Variants in NECAB2 observed in about 807,000 individuals in gnomAD.
NECAB2 encodes N-terminal EF-hand calcium-binding protein 2.
In NECAB2, 68 loss-of-function variants were observed where a neutral mutation model predicts 51.9. That is an observed-to-expected ratio of 1.31 (90% CI 1.08 to 1.60). The LOEUF is 1.60. Ranked by LOEUF, NECAB2 falls within the 40% of genes most tolerant of loss-of-function variation. NECAB2 has a pLI of 0.00. For synonymous variants in NECAB2, 329 were observed against 203.5 expected (o/e 1.62, Z -5.25); for missense variants, 854 against 490.3 (o/e 1.74, Z -7.00).
chr16:83,999,226 C>T (rs530752977), intron 10 of NECAB2, among the ~76,000 whole-genome samples: 2 of 152,160 alleles, frequency 1.3e-5, no homozygotes, highest in South Asian at 2.1e-4. Context: ...TCCCGAGACT[C>T]GGCGTGGCCA....
Position 83,998,312 on chromosome 16 carries a change from C to G in NECAB2, c.957C>G (p.Cys319Trp). 2 of 1,613,410 alleles carry G rather than the reference C, an allele frequency of 1.2e-6. No individual in the cohort carries two copies. The change falls in exon 10 of 13, where the codon TGC becomes TGG. Residue 319 changes from cysteine to tryptophan, a missense_variant. Cys to Trp is a radical substitution (Grantham distance 215). Coordinates refer to ENST00000305202, the MANE Select transcript of NECAB2 (RefSeq NM_019065.3). ...YLRGTTGVRN[C>W]FHITAVRLSD... The stretch of plus-strand genomic sequence containing the variant: ...GGGGGACCACTGGCGTGAGGAACTG[C>G]TTCCAGTGAGTGAGCTGCCGAGGCG...
chr16:83,968,814 G>A lies in NECAB2; in HGVS notation c.166G>A (p.Ala56Thr). ...APAAPADPGP[A>T]SPRGGTAVIL... is the part of the protein sequence containing the mutation. ...CGCCGCCCCCGCGGACCCCGGCCCA[G>A]CCTCGCCGCGCGGGGGCACCGCCGT... The change falls in exon 1 of 13, where the codon GCC becomes ACC. Residue 56 changes from alanine to threonine, a missense_variant. Physicochemically the swap from Ala to Thr is moderately conservative, Grantham distance 58. Coordinates refer to ENST00000305202, the MANE Select transcript of NECAB2 (RefSeq NM_019065.3). The A allele has an allele frequency of 8.9e-7, 1 of 1,124,924 alleles. No individual in the cohort carries two copies. Among genetic ancestry groups the A allele is most frequent in the Non-Finnish European group, 1.1e-6 (1 of 920,832 alleles). 69.7% of individuals were successfully genotyped at this position (1,124,924 alleles called of 1,614,324 possible).
chr16:84,002,392 T>G lies in NECAB2; in HGVS notation c.*46T>G. ...GAGGAGCCCACCAGCCCCTTCTTCT[T>G]GTGAAGGAAATCCCGTTTTTTTCTA... On this transcript the variant is annotated 3_prime_UTR_variant, in exon 13 of 13. Coordinates refer to ENST00000305202, the MANE Select transcript of NECAB2 (RefSeq NM_019065.3). 1 of 1,589,074 alleles carries G rather than the reference T, an allele frequency of 6.3e-7. No individual in the cohort carries two copies. Among genetic ancestry groups the G allele is most frequent in the Non-Finnish European group, 8.6e-7 (1 of 1,169,434 alleles).
upstream of NECAB2, chr16:83,966,337 A>T (rs947322821): frequency 1.9e-5 from 7 of 372,020 alleles, no homozygotes; most frequent in African/African-American, 4.1e-5. Flanking sequence ...ACCTGCTCTC[A>T]TGCGTCTGAG....
At chr16:83,999,398 G>T (rs147931748) in intron 10 of NECAB2, among the ~76,000 whole-genome samples, 1 of 152,312 alleles carries the variant, frequency 6.6e-6, no homozygotes, top group Non-Finnish European at 1.5e-5. Context: ...ATGCGCTGTG[G>T]AGAGGAGGCA....
At chr16:83,990,186 G>A (rs1334952819) in intron 5 of NECAB2, among the ~76,000 whole-genome samples, 1 of 152,148 alleles carries the variant, frequency 6.6e-6, no homozygotes, top group Non-Finnish European at 1.5e-5. Flanking sequence ...CATTGTACAC[G>A]CATGTTGCTG....
intron 1 of NECAB2, chr16:83,971,817 T>C (rs2084349863): frequency 2.1e-6 from 1 of 485,364 alleles, no homozygotes; most frequent in Non-Finnish European, 3.7e-6. Flanking sequence ...GCTGAGCGTT[T>C]GGCGGTGGGT....
chr16:83,989,838 C>G (rs1597214082), intron 5 of NECAB2, among the ~76,000 whole-genome samples: 1 of 152,188 alleles, frequency 6.6e-6, no homozygotes, highest in Admixed American at 6.5e-5. Flanking sequence ...CGTCTTTTCC[C>G]CAGAGTTCCG....
At chr16:83,975,722 C>T (rs945988703) in intron 2 of NECAB2, among the ~76,000 whole-genome samples, 3 of 152,142 alleles carry the variant, frequency 2.0e-5, no homozygotes, top group Admixed American at 2.0e-4. Context: ...GACAGCATTT[C>T]CCTTCAGGGA....
At chr16:83,999,962 C>T (rs1371076292) in intron 10 of NECAB2, among the ~76,000 whole-genome samples, 1 of 152,194 alleles carries the variant, frequency 6.6e-6, no homozygotes, top group Non-Finnish European at 1.5e-5. Context: ...GCTCAGCTCA[C>T]TGCAACCTCT....
chr16:83,995,001 G>C (rs2084677417), intron 8 of NECAB2, among the ~76,000 whole-genome samples: 1 of 152,198 alleles, frequency 6.6e-6, no homozygotes, highest in African/African-American at 2.4e-5. Flanking sequence ...CAAGGCCCTA[G>C]CTTCAAGGAG....
intron 1 of NECAB2, among the ~76,000 whole-genome samples, chr16:83,970,908 C>G (rs948349300): frequency 6.6e-6 from 1 of 152,210 alleles, no homozygotes; most frequent in Non-Finnish European, 1.5e-5. Context: ...GCTTGACCAA[C>G]AAGGTGAAAC....
At chr16:83,971,900 G>A (rs1706937490) in intron 1 of NECAB2, 6 of 595,520 alleles carry the variant, frequency 1.0e-5, no homozygotes, top group African/African-American at 5.6e-5. Context: ...GTGTGTCAGC[G>A]TGGCTGGGAG....
chr16:83,965,829 CG>C, upstream of NECAB2: 1 of 1,613,052 alleles, frequency 6.2e-7, no homozygotes. Context: ...CCTGACCAGC[CG>C]CTGAGCGCCA....
chr16:83,998,154 G>C, intron 9 of NECAB2, 51 bp from the exon 10 acceptor site: 2 of 1,556,048 alleles, frequency 1.3e-6, no homozygotes, highest in Non-Finnish European at 1.7e-6. Context: ...GGGGTGTTTA[G>C]GGAGAAGGCC....
chr16:84,002,013 T>G (rs2084847051), intron 12 of NECAB2, 97 bp downstream of exon 12: 1 of 1,365,646 alleles, frequency 7.3e-7, no homozygotes, highest in Non-Finnish European at 1.0e-6. Flanking sequence ...CTTGCCTGCT[T>G]GCTGTGGGCC....
chr16:83,981,165 C>T, intron 5 of NECAB2, 38 bp downstream of exon 5: 1 of 1,559,524 alleles, frequency 6.4e-7, no homozygotes, highest in Non-Finnish European at 8.8e-7. Flanking sequence ...TCCAGGGCTC[C>T]AGTGCTGCTT....
At chr16:83,999,324 A>AGACTT (rs1394355487) in intron 10 of NECAB2, among the ~76,000 whole-genome samples, 2 of 152,176 alleles carry the variant, frequency 1.3e-5, no homozygotes, top group Non-Finnish European at 2.9e-5. Context: ...AGCAGGGGCC[A>AGACTT]GACTTGATCT....
In NECAB2 at chr16:83,998,256, G is replaced by C. The variant is rs772705543; in HGVS notation, c.901G>C (p.Glu301Gln). 3 of 1,613,104 alleles carry C rather than the reference G, an allele frequency of 1.9e-6. No individual in the cohort carries two copies. Among genetic ancestry groups the C allele is most frequent in the Non-Finnish European group, 2.5e-6 (3 of 1,180,018 alleles). Reference protein sequence around the residue: ...EMAVCPEQLSEFLDSLRQYLR... With the variant: ...EMAVCPEQLSQFLDSLRQYLR... The stretch of plus-strand genomic sequence containing the variant: ...GGCCGTGTGCCCCGAGCAACTGAGC[G>C]AGTTTCTGGACTCTCTGCGCCAGTA... The change falls in exon 10 of 13, where the codon GAG becomes CAG. Residue 301 changes from glutamate (E) to glutamine (Q), a missense_variant. Physicochemically the swap from Glu to Gln is conservative, Grantham distance 29. Transcript: ENST00000305202.
Sources: gnomAD v4.1 joint callset for allele counts (sites outside exome capture counted in the v4.1 genomes callset) on GRCh38, gnomAD v4.1.1 for gene constraint, MANE v1.5 for transcripts, NCBI Gene and HGNC (gene_info 2026-07-23, HGNC 2026-07-21) for gene names.